CAMTA1: variants seen among roughly 807,000 people sequenced by gnomAD.
CAMTA1 encodes the protein calmodulin binding transcription activator 1, also known as calmodulin-binding transcription activator 1.
Under a neutral mutation model 170.9 loss-of-function variants are expected in CAMTA1, and 27 were observed. The observed-to-expected ratio is 0.16, with a 90% confidence interval of 0.12 to 0.22. The LOEUF (loss-of-function observed/expected upper bound fraction) is 0.22, where lower values mean the gene tolerates loss of function less well. CAMTA1 is among the 10% of genes least tolerant of loss of function. CAMTA1 has a pLI of 1.00. For synonymous variants in CAMTA1, 833 were observed against 891.5 expected (o/e 0.93, Z 1.17); for missense variants, 1,619 against 2,217.2 (o/e 0.73, Z 5.42).
intron 4 of CAMTA1, among the ~76,000 whole-genome samples, chr1:7,137,048 G>A (rs563782858): frequency 6.6e-6 from 1 of 152,124 alleles, no homozygotes; most frequent in Admixed American, 6.6e-5. Context: ...TGAACAAGCT[G>A]TTGATTCATC....
intron 3 of CAMTA1, among the ~76,000 whole-genome samples, chr1:6,924,696 C>A (rs1682739456): frequency 6.6e-6 from 1 of 152,240 alleles, no homozygotes; most frequent in Admixed American, 6.5e-5. Flanking sequence ...GTTCCAGCTT[C>A]TTTTCCGAGG....
intron 4 of CAMTA1, among the ~76,000 whole-genome samples, chr1:7,246,184 C>A (rs1053751394): frequency 6.6e-6 from 1 of 152,214 alleles, no homozygotes; most frequent in African/African-American, 2.4e-5. Flanking sequence ...TGGAGTCAGA[C>A]CAACTCAGCG....
rs544901995 is a variant in CAMTA1, at chr1:7,751,366, G to A, written c.4857G>A (p.Thr1619=). 25 of 1,603,878 alleles carry A rather than the reference G, an allele frequency of 1.6e-5. No individual in the cohort carries two copies. Among genetic ancestry groups the A allele is most frequent in the East Asian group, 4.5e-5 (2 of 44,768 alleles). Residue 1619 remains threonine, a synonymous_variant, in exon 20 of 23, where the codon ACG becomes ACA. Coordinates refer to ENST00000303635, the MANE Select transcript of CAMTA1 (RefSeq NM_015215.4). ...GCAAAAGACGGCAGGCTCGCCGGACGGCTGTGATTGTACAACAGAAACTCA... is the reference window on the plus strand; with the variant it reads ...GCAAAAGACGGCAGGCTCGCCGGACAGCTGTGATTGTACAACAGAAACTCA... The part of the protein sequence containing the change: ...KCGKRRQARR[T]AVIVQQKLRS...
intron 6 of CAMTA1, among the ~76,000 whole-genome samples, chr1:7,492,828 CA>C (rs1414621499): frequency 1.4e-5 from 2 of 146,804 alleles, no homozygotes; most frequent in Non-Finnish European, 3.0e-5. Context: ...GACACACAAA[CA>C]TACAAACACG....
At chr1:7,511,732 C>T (rs919769423) in intron 6 of CAMTA1, among the ~76,000 whole-genome samples, 1 of 152,158 alleles carries the variant, frequency 6.6e-6, no homozygotes, top group Non-Finnish European at 1.5e-5. Flanking sequence ...CCTGGACCTC[C>T]CCTTTCCCTA....
chr1:6,790,383 T>A lies in CAMTA1; in HGVS notation c.45+4808T>A, dbSNP rs894478565. Among the ~76,000 whole-genome samples the A allele has an allele frequency of 2.1e-4, 32 of 150,968 alleles. No individual in the cohort carries two copies. The East Asian group carries it at 2.7e-3, about 13-fold the overall frequency. Reference sequence around the variant, plus strand: ...GAGAGAGAGAGAGAGAGAGTGTGTGTGTGTGTGTGTGTGTGTGTGTGTGTG... The same window carrying A: ...GAGAGAGAGAGAGAGAGAGTGTGTGAGTGTGTGTGTGTGTGTGTGTGTGTG... On this transcript the variant is annotated intron_variant, in intron 1 of 22. Coordinates refer to ENST00000303635, the MANE Select transcript of CAMTA1 (RefSeq NM_015215.4).
intron 5 of CAMTA1, among the ~76,000 whole-genome samples, chr1:7,436,711 C>T (rs900948660): frequency 2.6e-5 from 4 of 152,144 alleles, no homozygotes; most frequent in Non-Finnish European, 4.4e-5. Flanking sequence ...GTTATTACTT[C>T]CAGGGTCATT....
intron 1 of CAMTA1, among the ~76,000 whole-genome samples, chr1:6,804,523 C>G (rs2148255826): frequency 6.6e-6 from 1 of 152,224 alleles, no homozygotes; most frequent in Non-Finnish European, 1.5e-5. Context: ...CCTCCCGGCC[C>G]TAGTCAATTA....
intron 4 of CAMTA1, among the ~76,000 whole-genome samples, chr1:7,132,344 A>G (rs141500272): frequency 0.017 from 2,526 of 152,112 alleles, 70 homozygotes; most frequent in African/African-American, 0.054. Flanking sequence ...GTGTGATCAT[A>G]GCTCACTGCA....
At chr1:7,117,502 C>T (rs938040471) in intron 4 of CAMTA1, among the ~76,000 whole-genome samples, 1 of 152,064 alleles carries the variant, frequency 6.6e-6, no homozygotes, top group African/African-American at 2.4e-5. Context: ...TGTCCTAGCA[C>T]TTACCAGTTT....
At chr1:6,891,083 C>T (rs1469625454) in intron 3 of CAMTA1, among the ~76,000 whole-genome samples, 1 of 152,178 alleles carries the variant, frequency 6.6e-6, no homozygotes. Context: ...ACACATTGAC[C>T]TATGCAGACT....
chr1:6,857,397 T>C (rs979543842), intron 3 of CAMTA1, among the ~76,000 whole-genome samples: 42 of 152,228 alleles, frequency 2.8e-4, no homozygotes, highest in African/African-American at 1.0e-3. Flanking sequence ...TACGAATTAC[T>C]TGTTCAATTA....
intron 7 of CAMTA1, among the ~76,000 whole-genome samples, chr1:7,655,238 A>G (rs866651953): frequency 6.8e-6 from 1 of 145,988 alleles, no homozygotes; most frequent in Non-Finnish European, 1.5e-5. Context: ...ACACACACCT[A>G]TACACACACA....
At chr1:7,726,349 G>A (rs747400861) in intron 11 of CAMTA1, among the ~76,000 whole-genome samples, 7 of 151,998 alleles carry the variant, frequency 4.6e-5, no homozygotes, top group Admixed American at 1.3e-4. Flanking sequence ...TATACACCCC[G>A]CAGGATACAA....
chr1:7,176,629 G>T (rs1447716169), intron 4 of CAMTA1, among the ~76,000 whole-genome samples: 1 of 152,204 alleles, frequency 6.6e-6, no homozygotes, highest in Non-Finnish European at 1.5e-5. Flanking sequence ...TTAGCCATTG[G>T]GATAGACAGA....
intron 3 of CAMTA1, among the ~76,000 whole-genome samples, chr1:6,961,697 T>C (rs182282223): frequency 3.9e-5 from 6 of 152,284 alleles, no homozygotes; most frequent in Admixed American, 6.5e-5. Flanking sequence ...AGGGGATTGA[T>C]TGAATTGATC....
Position 7,420,854 on chromosome 1 carries a change from C to T in CAMTA1, c.439-46976C>T, listed in dbSNP as rs946914218. Reference sequence around the variant, plus strand: ...GGCCTCAGCTGGGTCCTGAGGGGCACGTTCCCAGCCACAGGTGCTGACATC... The same window carrying T: ...GGCCTCAGCTGGGTCCTGAGGGGCATGTTCCCAGCCACAGGTGCTGACATC... On this transcript the variant is annotated intron_variant, in intron 5 of 22. Transcript: ENST00000303635. Among the ~76,000 whole-genome samples, 13 of 152,168 alleles carry T rather than the reference C, an allele frequency of 8.5e-5. No individual in the cohort carries two copies. The South Asian group carries it at 1.5e-3, about 17-fold the overall frequency.
chr1:7,080,690 A>C (rs535005432), intron 3 of CAMTA1, among the ~76,000 whole-genome samples: 1 of 152,276 alleles, frequency 6.6e-6, no homozygotes, highest in African/African-American at 2.4e-5. Context: ...GACCACCACC[A>C]TGCCAGGCTA....
At chr1:7,556,262 T>G (rs781653731) in intron 6 of CAMTA1, among the ~76,000 whole-genome samples, 1 of 151,938 alleles carries the variant, frequency 6.6e-6, no homozygotes, top group Non-Finnish European at 1.5e-5. Flanking sequence ...TAGAGGAGGT[T>G]GTGGGGTATG....
Sources: allele counts gnomAD v4.1 joint callset (sites outside exome capture counted in the v4.1 genomes callset), GRCh38; gene constraint gnomAD v4.1.1; transcripts MANE v1.5; gene names NCBI Gene and HGNC (gene_info 2026-07-23, HGNC 2026-07-21).